The following FLG variants were observed in gnomAD, a reference collection of about 807,000 sequenced individuals.
FLG encodes the protein filaggrin.
A neutral mutation model predicts 3.8 loss-of-function variants in FLG; 6 were observed. The ratio of observed to expected loss-of-function variants is 1.60; its 90% confidence interval spans 0.87 to 3.15. The LOEUF is 3.15. FLG is among the 30% of genes most tolerant of loss of function. The probability of loss-of-function intolerance (pLI) is 0.00; values close to 1 mark genes in which losing one functional copy is unlikely to be tolerated. For synonymous variants in FLG, 2,551 were observed against 1,931.6 expected (o/e 1.32, Z -8.41); for missense variants, 7,595 against 5,050.9 (o/e 1.50, Z -15.27).
chr1:152,324,490 A>G (rs1345259689), intron 1 of FLG, among the ~76,000 whole-genome samples: 8 of 151,810 alleles, frequency 5.3e-5, no homozygotes, highest in African/African-American at 1.7e-4. Context: ...TTTGTGTTTA[A>G]GATCTCAACT....
chr1:152,309,578 T>C lies in FLG; in HGVS notation c.5308A>G (p.Ser1770Gly). Residue 1770 changes from serine to glycine, a missense_variant, in exon 3 of 3, where the codon AGC becomes GGC. Physicochemically the swap from Ser to Gly is moderately conservative, Grantham distance 56. Transcript: ENST00000368799. Reference sequence around the variant, plus strand: ...GCGGACTCAGACTGTTCATGAGTGCTCACCTGGTAGAGGAAAGACCCTGAA... The same window carrying C: ...GCGGACTCAGACTGTTCATGAGTGCCCACCTGGTAGAGGAAAGACCCTGAA... ...GRSGSFLYQV[S>G]THEQSESAHG... The C allele has an allele frequency of 6.2e-7, 1 of 1,613,856 alleles. No homozygotes were observed.
At chr1:152,314,968 C>T (rs1336991038) in intron 2 of FLG, 2 of 544,188 alleles carry the variant, frequency 3.7e-6, no homozygotes, top group Non-Finnish European at 3.2e-6. Context: ...GTAAGTGACT[C>T]TTTTTCTTAT....
chr1:152,308,170 C>A lies in FLG; in HGVS notation c.6716G>T (p.Arg2239Leu), dbSNP rs146612963. ...QSSGPRTSRPRGSSVSQDSDS... is the reference protein window; with the variant it reads ...QSSGPRTSRPLGSSVSQDSDS... ...ACTGTCCTGGCTAACACTGGATCCC[C>A]GGGGCCTGCTTGTCCTGGGCCCTGA... The change falls in exon 3 of 3, where the codon CGG becomes CTG. Residue 2239 changes from arginine (R) to leucine (L), a missense_variant. Arg to Leu is a moderately radical substitution (Grantham distance 102). Transcript: ENST00000368799. 3.1e-6 allele frequency: 5 copies of A among 1,606,582 alleles called. No individual in the cohort carries two copies. The South Asian group carries it at 5.5e-5, about 18-fold the overall frequency.
rs779252763 is a variant in FLG at position 152,304,333 on chromosome 1, T to G, written c.10553A>C (p.His3518Pro). 6.2e-7 allele frequency: 1 copy of G among 1,611,352 alleles called. No homozygotes were observed. The highest frequency in any genetic ancestry group is 8.5e-7 in the Non-Finnish European group (1 of 1,178,786). Reference sequence around the variant, plus strand: ...TGATTGTCCCTGGCCGGACTGTGAGTGTCTAGAGCTGTCCGCCTGAGTGGA... The same window carrying G: ...TGATTGTCCCTGGCCGGACTGTGAGGGTCTAGAGCTGTCCGCCTGAGTGGA... ...EASTQADSSR[H>P]SQSGQGQSAG... The change falls in exon 3 of 3, where the codon CAC becomes CCC. Residue 3518 changes from histidine (H) to proline (P), a missense_variant. His to Pro is a moderately conservative substitution (Grantham distance 77, BLOSUM62 -2). Coordinates refer to ENST00000368799, the MANE Select transcript of FLG (RefSeq NM_002016.2).
Position 152,304,574 on chromosome 1 carries a change from G to C in FLG, c.10312C>G (p.Pro3438Ala). 1 of 1,609,966 alleles carries C rather than the reference G, an allele frequency of 6.2e-7. No individual in the cohort carries two copies. Among genetic ancestry groups the C allele is most frequent in the South Asian group, 1.1e-5 (1 of 90,624 alleles). Residue 3438 changes from proline to alanine, a missense_variant, in exon 3 of 3, where the codon CCG becomes GCG. By Grantham distance (27) the Pro-to-Ala change is conservative (BLOSUM62 -1). Transcript: ENST00000368799. ...TGCCTTCCTCTTCTGCTTGACCCCG[G>C]GTGTCCACGAATGGTGTCCTGACCC... is the stretch of plus-strand genomic sequence containing the variant. ...QEGQDTIRGH[P>A]GSSRRGRQGS...
In FLG at chr1:152,308,109, C is replaced by T; in HGVS notation, c.6777G>A (p.Arg2259=). ...SEGHSEDSER[R]SGSASRNHHG... is the part of the protein sequence containing the mutation. ...GATGGTTTCTGGACGCAGACCCAGA[C>T]CGCCTCTCAGAATCTTCTGAGTGTC... Residue 2259 remains arginine (R), a synonymous_variant, in exon 3 of 3, where the codon CGG becomes CGA. Coordinates refer to ENST00000368799, the MANE Select transcript of FLG (RefSeq NM_002016.2). The T allele has an allele frequency of 2.5e-6, 4 of 1,614,074 alleles. No homozygotes were observed. Among genetic ancestry groups the T allele is most frequent in the Non-Finnish European group, 3.4e-6 (4 of 1,179,998 alleles).
In FLG at chr1:152,305,011, T is replaced by C. The variant is rs146649073; in HGVS notation, c.9875A>G (p.Glu3292Gly). Residue 3292 changes from glutamate to glycine, a missense_variant, in exon 3 of 3, where the codon GAA (glutamate) becomes GGA (glycine). Glu to Gly is a moderately conservative substitution (Grantham distance 98). Coordinates refer to ENST00000368799, the MANE Select transcript of FLG (RefSeq NM_002016.2). ...SSGGQAASSH[E>G]QARSSPGERH... ...CTCTCCTGGACTTGATCTTGCCTGT[T>C]CATGGGATGATGCAGCCTGTCCACC... is the stretch of plus-strand genomic sequence containing the variant. 226 of 1,613,698 alleles carry C rather than the reference T, an allele frequency of 1.4e-4. No individual in the cohort carries two copies. The highest frequency in any genetic ancestry group is 3.2e-4 in the South Asian group (29 of 91,014).
In FLG at chr1:152,308,841, G is replaced by A. The variant is rs71626704; in HGVS notation, c.6045C>T (p.Asp2015=). 2 of 1,614,140 alleles carry A rather than the reference G, an allele frequency of 1.2e-6. No individual in the cohort carries two copies. The highest frequency in any genetic ancestry group is 2.2e-5 in the East Asian group (1 of 44,874). Residue 2015 remains aspartate (D), a synonymous_variant, in exon 3 of 3, where the codon GAC becomes GAT. Coordinates refer to ENST00000368799, the MANE Select transcript of FLG (RefSeq NM_002016.2). ...HGSHHQLQSA[D]SSRHSGIGHG... The stretch of plus-strand genomic sequence containing the variant: ...GCCCAATGCCTGAGTGTCTGGAGCT[G>A]TCTGCTGACTGGAGCTGGTGGTGGG...
Position 152,306,920 on chromosome 1 carries a change from A to G in FLG, c.7966T>C (p.Ser2656Pro), listed in dbSNP as rs1570899781. 7.2e-7 allele frequency: 1 copy of G among 1,397,092 alleles called. No homozygotes were observed. The highest frequency in any genetic ancestry group is 9.8e-7 in the Non-Finnish European group (1 of 1,016,240). The allele number at this position is 1,397,092 out of a possible 1,614,324, so 86.5% of individuals were successfully genotyped here. The part of the protein sequence containing the change: ...ARSSAGERHG[S>P]HHQQSADSSR... The stretch of plus-strand genomic sequence containing the variant: ...CTGTCTGCTGACTGCTGGTGGTGGG[A>G]TCCATGTCTTTCTCCTGCACTTGAT... Residue 2656 changes from serine to proline, a missense_variant, in exon 3 of 3, where the codon TCC (serine) becomes CCC (proline). Coordinates refer to ENST00000368799, the MANE Select transcript of FLG (RefSeq NM_002016.2).
rs750092166 is a variant in FLG, at chr1:152,307,233, C to T, written c.7653G>A (p.Gln2551=). 3 of 1,612,756 alleles carry T rather than the reference C, an allele frequency of 1.9e-6. No homozygotes were observed. Among genetic ancestry groups the T allele is most frequent in the Admixed American group, 3.3e-5 (2 of 59,920 alleles). The change falls in exon 3 of 3, where the codon CAG becomes CAA. Residue 2551 remains glutamine, a synonymous_variant. Coordinates refer to ENST00000368799, the MANE Select transcript of FLG (RefSeq NM_002016.2). ...TTGTCCTGGGCCCCTCTGATTGTCC[C>T]TGGCCCACCTGCGAGTGTCCAGAGC... is the stretch of plus-strand genomic sequence containing the variant. ...ADSSGHSQVG[Q]GQSEGPRTSR...
In FLG at chr1:152,303,985, G is replaced by A; in HGVS notation, c.10901C>T (p.Ala3634Val). 2 of 1,613,944 alleles carry A rather than the reference G, an allele frequency of 1.2e-6. No individual in the cohort carries two copies. Among genetic ancestry groups the A allele is most frequent in the Non-Finnish European group, 1.7e-6 (2 of 1,180,004 alleles). ...AATGCCTGAGTGTCTGGAGCTGTCT[G>A]CTGACTGCTGGTGGTGGGATCCATG... Reference protein sequence around the residue: ...ERHGSHHQQSADSSRHSGIGH... With the variant: ...ERHGSHHQQSVDSSRHSGIGH... The change falls in exon 3 of 3, where the codon GCA becomes GTA. Residue 3634 changes from alanine to valine, a missense_variant. Coordinates refer to ENST00000368799, the MANE Select transcript of FLG (RefSeq NM_002016.2).
chr1:152,312,521 G>A lies in FLG; in HGVS notation c.2365C>T (p.Arg789Cys), dbSNP rs770321911. The A allele has an allele frequency of 4.1e-5, 66 of 1,613,422 alleles. No individual in the cohort carries two copies. Among genetic ancestry groups the A allele is most frequent in the Non-Finnish European group, 5.3e-5 (62 of 1,179,888 alleles). Residue 789 changes from arginine to cysteine, a missense_variant, in exon 3 of 3, where the codon CGT becomes TGT. Transcript: ENST00000368799. ...ACCTGGTAGAGGAAAGACCCTGAAC[G>A]TCGAGACCTTTCCCCTGACCGGTCA... ...ARDRSGERSR[R>C]SGSFLYQVST...
chr1:152,324,392 T>A (rs1482930047), intron 1 of FLG, among the ~76,000 whole-genome samples: 1 of 151,958 alleles, frequency 6.6e-6, no homozygotes, highest in Non-Finnish European at 1.5e-5. Context: ...TTTAACTATG[T>A]ATGCTCTAAG....
rs1557882793 is a variant in FLG at position 152,314,494 on chromosome 1, C to T, written c.392G>A (p.Arg131Lys). 6.2e-7 allele frequency: 1 copy of T among 1,613,206 alleles called. No individual in the cohort carries two copies. Among genetic ancestry groups the T allele is most frequent in the East Asian group, 2.2e-5 (1 of 44,838 alleles). Residue 131 changes from arginine to lysine, a missense_variant, in exon 3 of 3, where the codon AGA (arginine) becomes AAA (lysine). By Grantham distance (26) the Arg-to-Lys change is conservative. Transcript: ENST00000368799. ...TCCCTTATTCCCTTTTCTATTGTTT[C>T]TTCTTTCCAGACTTGAGGGTCTTTT... ...NRKRPSSLER[R>K]NNRKGNKGRS...
At position 152,311,040 on chromosome 1, in the gene FLG, G is replaced by C; in HGVS notation, c.3846C>G (p.Asp1282Glu). The C allele has an allele frequency of 6.2e-7, 1 of 1,613,920 alleles. No homozygotes were observed. The highest frequency in any genetic ancestry group is 1.1e-5 in the South Asian group (1 of 91,044). The change falls in exon 3 of 3, where the codon GAC becomes GAG. Residue 1282 changes from aspartate (D) to glutamate (E), a missense_variant. Transcript: ENST00000368799. ...AAGCAGACCCAGACAACCTCTCGGA[G>C]TCGTCTGAGTGTCTCTCACTGTCAC... The part of the protein sequence containing the change: ...QDSDSERHSD[D>E]SERLSGSASR...
Position 152,314,663 on chromosome 1 carries a change from G to T in FLG, c.223C>A (p.Leu75Ile). The T allele has an allele frequency of 1.9e-6, 3 of 1,614,040 alleles. No individual in the cohort carries two copies. Among genetic ancestry groups the T allele is most frequent in the Non-Finnish European group, 2.5e-6 (3 of 1,179,996 alleles). ...TGAGCCAACTTGAATACCATCAGAA[G>T]AAACTCAGTGAAGTCAATTTTCTTG... ...HNKKIDFTEF[L>I]LMVFKLAQAY... The change falls in exon 3 of 3, where the codon CTT becomes ATT. Residue 75 changes from leucine (L) to isoleucine (I), a missense_variant. Leu to Ile is a conservative substitution (Grantham distance 5). Coordinates refer to ENST00000368799, the MANE Select transcript of FLG (RefSeq NM_002016.2).
At chr1:152,323,262 C>G (rs2101659366) in intron 1 of FLG, among the ~76,000 whole-genome samples, 1 of 151,512 alleles carries the variant, frequency 6.6e-6, no homozygotes, top group East Asian at 1.9e-4. Flanking sequence ...AAATAAAATT[C>G]AAAAAGTACT....
chr1:152,308,763 A>G lies in FLG; in HGVS notation c.6123T>C (p.Gly2041=). The change falls in exon 3 of 3, where the codon GGT becomes GGC. Residue 2041 remains glycine (G), a synonymous_variant. Coordinates refer to ENST00000368799, the MANE Select transcript of FLG (RefSeq NM_002016.2). The part of the protein sequence containing the change: ...VRDSGHRGYS[G]SQASDSEGHS... ...GTCCCTCACTGTCACTGGCCTGACTACCACTGTACCCTCGGTGTCCACTGT... is the reference window on the plus strand; with the variant it reads ...GTCCCTCACTGTCACTGGCCTGACTGCCACTGTACCCTCGGTGTCCACTGT... 1.9e-6 allele frequency: 3 copies of G among 1,614,052 alleles called. No homozygotes were observed. In the South Asian group the frequency reaches 3.3e-5, roughly 18 times the overall value.
chr1:152,307,704 C>T lies in FLG; in HGVS notation c.7182G>A (p.Gln2394=), dbSNP rs1474567375. Residue 2394 remains glutamine (Q), a synonymous_variant, in exon 3 of 3, where the codon CAG becomes CAA. Coordinates refer to ENST00000368799, the MANE Select transcript of FLG (RefSeq NM_002016.2). ...SAHGQAGPHQ[Q]SHQESTRGRS... ...GGCCACGTGTGGACTCTTGGTGGCTCTGCTGATGGGGCCCAGCCTGTCCGT... is the reference window on the plus strand; with the variant it reads ...GGCCACGTGTGGACTCTTGGTGGCTTTGCTGATGGGGCCCAGCCTGTCCGT... 6.2e-7 allele frequency: 1 copy of T among 1,613,372 alleles called. No homozygotes were observed. The highest frequency in any genetic ancestry group is 2.2e-5 in the East Asian group (1 of 44,824).
Sources: gnomAD v4.1 joint callset for allele counts (sites outside exome capture counted in the v4.1 genomes callset) on GRCh38, gnomAD v4.1.1 for gene constraint, MANE v1.5 for transcripts, NCBI Gene and HGNC (gene_info 2026-07-23, HGNC 2026-07-21) for gene names.